Variants in DCDC1 observed in about 807,000 individuals in gnomAD.
DCDC1 encodes doublecortin domain-containing protein 1.
A neutral mutation model predicts 178.3 loss-of-function variants in DCDC1; 200 were observed. The ratio of observed to expected loss-of-function variants is 1.12; its 90% CI spans 1.00 to 1.26. DCDC1 has a LOEUF of 1.26. Among genes scored for constraint, DCDC1 ranks in the 50% most tolerant of loss-of-function variants. The probability of loss-of-function intolerance (pLI) is 0.00; values close to 1 mark genes in which losing one functional copy is unlikely to be tolerated. For synonymous variants in DCDC1, 690 were observed against 604.8 expected, an observed-to-expected ratio of 1.14 and a Z score of -2.07; for missense variants, 1,983 against 1,749.2, an observed-to-expected ratio of 1.13 and a Z score of -2.38.
intron 20 of DCDC1, among the ~76,000 whole-genome samples, chr11:31,023,953 T>C (rs886548207): frequency 6.6e-6 from 1 of 152,016 alleles, no homozygotes; most frequent in Non-Finnish European, 1.5e-5. Flanking sequence ...CTGGTTATAT[T>C]ACCAATTGTA....
At chr11:30,922,390 G>T (rs550760814) in intron 24 of DCDC1, 113 bp downstream of exon 24, 3 of 1,240,434 alleles carry the variant, frequency 2.4e-6, no homozygotes, top group African/African-American at 1.6e-5. Context: ...TAAACAGCAA[G>T]ATGCAGAGGT....
chr11:30,899,375 T>C (rs1944484180), intron 34 of DCDC1, among the ~76,000 whole-genome samples, 166 bp downstream of exon 34: 1 of 152,114 alleles, frequency 6.6e-6, no homozygotes, highest in South Asian at 2.1e-4. Flanking sequence ...AAATATATTA[T>C]TAGGTTTTAG....
At chr11:31,213,253 A>C (rs1276703142) in intron 9 of DCDC1, among the ~76,000 whole-genome samples, 1 of 150,140 alleles carries the variant, frequency 6.7e-6, no homozygotes, top group Non-Finnish European at 1.5e-5. Context: ...GATATTTTCT[A>C]TTCAGGGTCT....
intron 20 of DCDC1, among the ~76,000 whole-genome samples, chr11:31,047,596 G>A (rs1467851641): frequency 6.6e-6 from 1 of 152,100 alleles, no homozygotes; most frequent in East Asian, 1.9e-4. Flanking sequence ...TGGCAATAGA[G>A]GTGATTTAAT....
chr11:30,951,248 A>G (rs1382481236), intron 21 of DCDC1, among the ~76,000 whole-genome samples: 9 of 152,136 alleles, frequency 5.9e-5, no homozygotes, highest in African/African-American at 1.2e-4. Context: ...AACCAGAGAA[A>G]AAAGATAGAT....
In DCDC1 at chr11:31,356,055, T is replaced by G. The variant is rs569438014; in HGVS notation, c.-125+13642A>C. ...CTCTCAAAACAAGTGAGTCACACTC[T>G]TTTCTTCCCCTCTTACCTTAGGTCA... is the stretch of plus-strand genomic sequence containing the variant. On this transcript the variant is annotated intron_variant, in intron 1 of 38. Transcript: ENST00000684477. 2.6e-5 allele frequency among the ~76,000 whole-genome samples: 4 copies of G among 152,224 alleles called. No individual in the cohort carries two copies. The South Asian group carries it at 8.3e-4, about 32-fold the overall frequency.
rs1030812108 is a variant in DCDC1 at position 31,103,840 on chromosome 11, C to T, written c.1752-71G>A. The T allele has an allele frequency of 2.1e-5, 15 of 719,550 alleles. 1 individual carries two copies. The highest frequency in any genetic ancestry group is 2.4e-4 in the Middle Eastern group (1 of 4,204). 44.6% of individuals were successfully genotyped at this position (719,550 alleles called of 1,614,324 possible). A position where few individuals can be genotyped will look rare whatever the true frequency, so the allele number is the denominator to read the frequency against. ...ACATTGTAATTTGAGCACAAATAAA[C>T]AATAAAATACACATTATCATTGTCT... On this transcript the variant is annotated intron_variant, in intron 13 of 38. Transcript: ENST00000684477.
At chr11:31,124,080 G>C (rs1192106688) in intron 11 of DCDC1, among the ~76,000 whole-genome samples, 1 of 152,006 alleles carries the variant, frequency 6.6e-6, no homozygotes, top group South Asian at 2.1e-4. Context: ...GTGAGAGAAG[G>C]CATCCTTGTC....
intron 28 of DCDC1, 115 bp downstream of exon 28, chr11:30,911,212 C>G: frequency 1.3e-6 from 1 of 792,346 alleles, no homozygotes; most frequent in East Asian, 2.7e-5. Context: ...ATTTTAACAA[C>G]ATTCAAATAG....
chr11:31,114,299 T>C (rs1212593089), intron 11 of DCDC1, among the ~76,000 whole-genome samples: 1 of 152,134 alleles, frequency 6.6e-6, no homozygotes, highest in Non-Finnish European at 1.5e-5. Context: ...TAACCAATTA[T>C]AGTTAAAATA....
At chr11:31,312,392 G>T (rs901512951) in intron 3 of DCDC1, among the ~76,000 whole-genome samples, 8 of 152,116 alleles carry the variant, frequency 5.3e-5, no homozygotes, top group African/African-American at 1.9e-4. Context: ...CTACAATCTT[G>T]CTGTGATGAT....
chr11:30,959,835 C>T (rs77874474), intron 20 of DCDC1, among the ~76,000 whole-genome samples: 241 of 152,262 alleles, frequency 1.6e-3, no homozygotes, highest in Non-Finnish European at 2.0e-3. Context: ...CTGGATGAAA[C>T]GTGTCCCAAG....
chr11:31,038,259 T>C (rs1040843894), intron 20 of DCDC1, among the ~76,000 whole-genome samples: 1 of 151,260 alleles, frequency 6.6e-6, no homozygotes, highest in Admixed American at 6.6e-5. Flanking sequence ...TTGAAAAAAA[T>C]GAATTTAAGT....
intron 9 of DCDC1, among the ~76,000 whole-genome samples, chr11:31,140,509 A>G (rs573716686): frequency 1.3e-5 from 2 of 152,314 alleles, no homozygotes; most frequent in South Asian, 2.1e-4. Context: ...CTTGCTGCTA[A>G]GATTTTTAAA....
Position 31,018,443 on chromosome 11 carries a change from T to A in DCDC1, c.2591+46026A>T, listed in dbSNP as rs76401832. On this transcript the variant is annotated intron_variant, in intron 20 of 38. Transcript: ENST00000684477. ...TTATCTCAGATCCAGTGAACATTAC[T>A]AAGCTCCTAAGCGCCAGATGCCCTA... Among the ~76,000 whole-genome samples the A allele has an allele frequency of 3.9e-5, 6 of 152,342 alleles. No individual in the cohort carries two copies. The East Asian group carries it at 1.2e-3, about 29-fold the overall frequency.
intron 20 of DCDC1, among the ~76,000 whole-genome samples, chr11:30,971,821 C>CGATG (rs1394316012): frequency 6.6e-6 from 1 of 151,852 alleles, no homozygotes; most frequent in Non-Finnish European, 1.5e-5. Flanking sequence ...GTATTAGCCA[C>CGATG]GATGGTCTCG....
chr11:31,257,656 G>A (rs72888116), intron 8 of DCDC1, among the ~76,000 whole-genome samples: 1 of 149,850 alleles, frequency 6.7e-6, no homozygotes, highest in Non-Finnish European at 1.5e-5. Context: ...AAAATGGTAC[G>A]CATCTGACCC....
intron 20 of DCDC1, among the ~76,000 whole-genome samples, chr11:31,040,020 T>C (rs1954326984): frequency 6.6e-6 from 1 of 152,020 alleles, no homozygotes; most frequent in Admixed American, 6.6e-5. Flanking sequence ...CATTATCAGG[T>C]ATCCAAAAAA....
At chr11:31,202,372 G>A (rs1971389801) in intron 9 of DCDC1, among the ~76,000 whole-genome samples, 2 of 151,932 alleles carry the variant, frequency 1.3e-5, no homozygotes, top group African/African-American at 4.8e-5. Flanking sequence ...AGATCAGCCT[G>A]GGCAACATGG....
Sources: gnomAD v4.1 joint callset for allele counts (sites outside exome capture counted in the v4.1 genomes callset) on GRCh38, gnomAD v4.1.1 for gene constraint, MANE v1.5 for transcripts, NCBI Gene and HGNC (gene_info 2026-07-23, HGNC 2026-07-21) for gene names.